FOLR1: variants seen among roughly 807,000 people sequenced by gnomAD.
FOLR1 encodes KB cells FBP.
In FOLR1, 11 loss-of-function variants were observed where a neutral mutation model predicts 22.8. That is an observed-to-expected ratio of 0.48 (90% confidence interval 0.30 to 0.80). The LOEUF is 0.80. Among genes scored for constraint, FOLR1 ranks in the 30% least tolerant of loss-of-function variants. FOLR1 has a pLI of 0.06. For synonymous variants in FOLR1, 108 were observed against 116.5 expected (o/e 0.93, Z 0.47); for missense variants, 273 against 320.3 (o/e 0.85, Z 1.13).
intron 1 of FOLR1, among the ~76,000 whole-genome samples, chr11:72,192,748 G>C (rs897185437): frequency 1.2e-4 from 19 of 152,228 alleles, no homozygotes; most frequent in African/African-American, 4.3e-4. Flanking sequence ...ACATTATGAG[G>C]CTGTGTGCAA....
At position 72,196,202 on chromosome 11, in the gene FOLR1, G is replaced by C. The variant is rs1948233608; in HGVS notation, c.*25G>C. On this transcript the variant is annotated 3_prime_UTR_variant, in exon 4 of 4. Coordinates refer to ENST00000393676, the MANE Select transcript of FOLR1 (RefSeq NM_016729.3). ...ACCTCCTTTTACCTTCTGATACCTGGAAATCCCTGCCCTGTTCAGCCCCAC... is the reference window on the plus strand; with the variant it reads ...ACCTCCTTTTACCTTCTGATACCTGCAAATCCCTGCCCTGTTCAGCCCCAC... 1.2e-6 allele frequency: 2 copies of C among 1,613,706 alleles called. No individual in the cohort carries two copies. The highest frequency in any genetic ancestry group is 1.7e-5 in the Admixed American group (1 of 59,978).
chr11:72,195,529 G>A, intron 2 of FOLR1, 70 bp downstream of exon 2: 1 of 1,612,956 alleles, frequency 6.2e-7, no homozygotes, highest in Non-Finnish European at 8.5e-7. Context: ...TCTGCAGGCT[G>A]CAACCCCAGC....
chr11:72,196,046 G>C lies in FOLR1; in HGVS notation c.643G>C (p.Asp215His), dbSNP rs910835204. Residue 215 changes from aspartate (D) to histidine (H), a missense_variant, in exon 4 of 4, where the codon GAC becomes CAC. Asp to His is a moderately conservative substitution (Grantham distance 81, BLOSUM62 -1). Transcript: ENST00000393676. ...TGGCCGCTGCATCCAGATGTGGTTC[G>C]ACCCAGCCCAGGGCAACCCCAATGA... ...GSGRCIQMWFDPAQGNPNEEV... is the reference protein window; with the variant it reads ...GSGRCIQMWFHPAQGNPNEEV... 1.2e-6 allele frequency: 2 copies of C among 1,614,188 alleles called. No individual in the cohort carries two copies. Among genetic ancestry groups the C allele is most frequent in the Non-Finnish European group, 1.7e-6 (2 of 1,180,042 alleles).
chr11:72,195,799 G>T, intron 3 of FOLR1, 52 bp downstream of exon 3: 1 of 1,614,130 alleles, frequency 6.2e-7, no homozygotes, highest in East Asian at 2.2e-5. Flanking sequence ...GAGGTGTGTG[G>T]GTGTGGAACA....
chr11:72,196,190 T>A lies in FOLR1; in HGVS notation c.*13T>A, dbSNP rs1948233449. On this transcript the variant is annotated 3_prime_UTR_variant, in exon 4 of 4. Transcript: ENST00000393676. ...GCTGCTCAGCTGACCTCCTTTTACC[T>A]TCTGATACCTGGAAATCCCTGCCCT... 6.2e-7 allele frequency: 1 copy of A among 1,614,046 alleles called. No individual in the cohort carries two copies. Among genetic ancestry groups the A allele is most frequent in the Non-Finnish European group, 8.5e-7 (1 of 1,179,926 alleles).
chr11:72,195,642 C>A lies in FOLR1; in HGVS notation c.388C>A (p.Leu130Met). 1 of 1,614,206 alleles carries A rather than the reference C, an allele frequency of 6.2e-7. No homozygotes were observed. Among genetic ancestry groups the A allele is most frequent in the Non-Finnish European group, 8.5e-7 (1 of 1,180,036 alleles). Residue 130 changes from leucine to methionine, a missense_variant, in exon 3 of 4, where the codon CTG (leucine) becomes ATG (methionine). By Grantham distance (15) the Leu-to-Met change is conservative (BLOSUM62 2). Transcript: ENST00000393676. ...TCAGAGCTGGCGCAAAGAGCGGGTA[C>A]TGAACGTGCCCCTGTGCAAAGAGGA... Reference protein sequence around the residue: ...VDQSWRKERVLNVPLCKEDCE... With the variant: ...VDQSWRKERVMNVPLCKEDCE...
chr11:72,192,414 A>G (rs1948169237), intron 1 of FOLR1, 73 bp downstream of exon 1: 1 of 1,532,592 alleles, frequency 6.5e-7, no homozygotes, highest in Admixed American at 1.7e-5. Context: ...GAAATGCCAA[A>G]CCCCATTCAC....
At position 72,196,139 on chromosome 11, in the gene FOLR1, C is replaced by T; in HGVS notation, c.736C>T (p.Leu246Phe). The change falls in exon 4 of 4, where the codon CTT (leucine) becomes TTT (phenylalanine). Residue 246 changes from leucine (L) to phenylalanine (F), a missense_variant. Physicochemically the swap from Leu to Phe is conservative, Grantham distance 22 (BLOSUM62 0). Transcript: ENST00000393676. The part of the protein sequence containing the change: ...AGPWAAWPFL[L>F]SLALMLLWLL... ...GCCCTGGGCAGCCTGGCCTTTCCTG[C>T]TTAGCCTGGCCCTAATGCTGCTGTG... The T allele has an allele frequency of 6.2e-7, 1 of 1,614,182 alleles. No individual in the cohort carries two copies. Among genetic ancestry groups the T allele is most frequent in the Non-Finnish European group, 8.5e-7 (1 of 1,180,044 alleles).
At chr11:72,192,942 C>A (rs892261130) in intron 1 of FOLR1, among the ~76,000 whole-genome samples, 1 of 152,114 alleles carries the variant, frequency 6.6e-6, no homozygotes, top group Non-Finnish European at 1.5e-5. Context: ...CTGTGTCTCT[C>A]GACCACATTG....
In FOLR1 at chr11:72,195,798, G is replaced by C. The variant is rs371000743; in HGVS notation, c.493+51G>C. On this transcript the variant is annotated intron_variant, in intron 3 of 3. Transcript: ENST00000393676. ...GAGGGATTTGGAAGTGGAGGTGTGTGGGTGTGGAACAGGTATGTGACAATT... is the reference window on the plus strand; with the variant it reads ...GAGGGATTTGGAAGTGGAGGTGTGTCGGTGTGGAACAGGTATGTGACAATT... 3 of 1,614,062 alleles carry C rather than the reference G, an allele frequency of 1.9e-6. No individual in the cohort carries two copies. The African/African-American group carries it at 4.0e-5, about 22-fold the overall frequency.
In FOLR1 at chr11:72,192,324, G is replaced by C; in HGVS notation, c.151G>C (p.Asp51His). 6.2e-7 allele frequency: 1 copy of C among 1,614,124 alleles called. No homozygotes were observed. The highest frequency in any genetic ancestry group is 8.5e-7 in the Non-Finnish European group (1 of 1,180,038). Residue 51 changes from aspartate (D) to histidine (H), a missense_variant, in exon 1 of 4, where the codon GAC (aspartate) becomes CAC (histidine). Physicochemically the swap from Asp to His is moderately conservative, Grantham distance 81. Transcript: ENST00000393676. The stretch of plus-strand genomic sequence containing the variant: ...CCACAAGGAAAAGCCAGGCCCCGAG[G>C]ACAAGTTGCATGAGCAGGTGGGCCA... ...KHHKEKPGPEDKLHEQCRPWR... is the reference protein window; with the variant it reads ...KHHKEKPGPEHKLHEQCRPWR...
At position 72,195,897 on chromosome 11, in the gene FOLR1, G is replaced by A; in HGVS notation, c.494G>A (p.Gly165Glu). The A allele has an allele frequency of 6.2e-7, 1 of 1,614,168 alleles. No homozygotes were observed. Among genetic ancestry groups the A allele is most frequent in the South Asian group, 1.1e-5 (1 of 91,086 alleles). The change falls in exon 4 of 4, where the codon GGG becomes GAG. Residue 165 changes from glycine (G) to glutamate (E), a missense_variant and splice_region_variant. Coordinates refer to ENST00000393676, the MANE Select transcript of FOLR1 (RefSeq NM_016729.3). ...TAAAGGTCTTCCCTCCTCTCTACAG[G>A]GTTTAACAAGTGCGCAGTGGGAGCT... Reference protein sequence around the residue: ...NWHKGWNWTSGFNKCAVGAAC... With the variant: ...NWHKGWNWTSEFNKCAVGAAC...
chr11:72,192,907 T>C (rs770940577), intron 1 of FOLR1, among the ~76,000 whole-genome samples: 20 of 152,126 alleles, frequency 1.3e-4, no homozygotes, highest in Non-Finnish European at 2.6e-4. Context: ...AGCATCTTGG[T>C]TCATGCATCT....
rs751976542 is a variant in FOLR1, at chr11:72,196,179, C to T, written c.*2C>T. 5.0e-6 allele frequency: 8 copies of T among 1,614,106 alleles called. No homozygotes were observed. Among genetic ancestry groups the T allele is most frequent in the Non-Finnish European group, 5.9e-6 (7 of 1,180,004 alleles). ...ATGCTGCTGTGGCTGCTCAGCTGAC[C>T]TCCTTTTACCTTCTGATACCTGGAA... On this transcript the variant is annotated 3_prime_UTR_variant, in exon 4 of 4. Transcript: ENST00000393676.
At chr11:72,194,634 C>G (rs560725077) in intron 1 of FOLR1, among the ~76,000 whole-genome samples, 13 of 152,252 alleles carry the variant, frequency 8.5e-5, no homozygotes, top group Admixed American at 5.2e-4. Flanking sequence ...CTCTTAGCCT[C>G]GTGATCCACC....
rs550713064 is a variant in FOLR1 at position 72,192,170 on chromosome 11, A to G, written c.-4A>G. The G allele has an allele frequency of 1.2e-6, 2 of 1,614,136 alleles. No homozygotes were observed. The highest frequency in any genetic ancestry group is 1.1e-5 in the South Asian group (1 of 91,076). On this transcript the variant is annotated 5_prime_UTR_variant, in exon 1 of 4. Coordinates refer to ENST00000393676, the MANE Select transcript of FOLR1 (RefSeq NM_016729.3). ...TGACCACAGCTCTTTCTTCAGGGAC[A>G]GACATGGCTCAGCGGATGACAACAC...
chr11:72,195,648 G>T lies in FOLR1; in HGVS notation c.394G>T (p.Val132Leu). The change falls in exon 3 of 4, where the codon GTG (valine) becomes TTG (leucine). Residue 132 changes from valine (V) to leucine (L), a missense_variant. Coordinates refer to ENST00000393676, the MANE Select transcript of FOLR1 (RefSeq NM_016729.3). ...QSWRKERVLN[V>L]PLCKEDCEQW... ...CTGGCGCAAAGAGCGGGTACTGAAC[G>T]TGCCCCTGTGCAAAGAGGACTGTGA... The T allele has an allele frequency of 6.2e-7, 1 of 1,614,216 alleles. No individual in the cohort carries two copies. Among genetic ancestry groups the T allele is most frequent in the Non-Finnish European group, 8.5e-7 (1 of 1,180,046 alleles).
chr11:72,194,285 G>GT (rs968184537), intron 1 of FOLR1, among the ~76,000 whole-genome samples: 1 of 152,174 alleles, frequency 6.6e-6, no homozygotes, highest in African/African-American at 2.4e-5. Context: ...GCTATACATT[G>GT]TTTTTTTGTA....
chr11:72,191,389 GTCT>G (rs1948154185), upstream of FOLR1, among the ~76,000 whole-genome samples: 1 of 150,108 alleles, frequency 6.7e-6, no homozygotes, highest in Non-Finnish European at 1.5e-5. Context: ...TTGAGATGGA[GTCT>G]CGCTCTGTCA....
Sources: gnomAD v4.1 joint callset for allele counts (sites outside exome capture counted in the v4.1 genomes callset) on GRCh38, gnomAD v4.1.1 for gene constraint, MANE v1.5 for transcripts, NCBI Gene and HGNC (gene_info 2026-07-23, HGNC 2026-07-21) for gene names.